Variants in GPI observed in about 807,000 individuals in gnomAD.
GPI encodes the protein D-hexose-6-phosphate anomerase.
In GPI, 56 loss-of-function variants were observed where a neutral mutation model predicts 75.8. The observed-to-expected ratio is 0.74, with a 90% confidence interval of 0.60 to 0.92. GPI has a LOEUF of 0.92. GPI is among the 40% of genes least tolerant of loss of function. The pLI is 0.00. For missense variants in GPI, 638 were observed against 741.0 expected (o/e 0.86, Z 1.61); for synonymous variants, 288 against 285.4 (o/e 1.01, Z -0.09).
At chr19:34,398,031 T>C (rs1296053983) in intron 14 of GPI, 1 of 148,880 alleles carries the variant, frequency 6.7e-6, no homozygotes, top group East Asian at 2.0e-4. Context: ...GGACCACAGA[T>C]GTACAACATG....
chr19:34,400,072 C>G lies in GPI; in HGVS notation c.*36C>G, dbSNP rs752588108. On this transcript the variant is annotated 3_prime_UTR_variant, in exon 18 of 18. Coordinates refer to ENST00000356487, the MANE Select transcript of GPI (RefSeq NM_000175.5). The stretch of plus-strand genomic sequence containing the variant: ...ATCTGCAGCCTCCTCTGTGACTCCC[C>G]TTTCTCTTCTCGTCCCTCCTCCCCG... 2 of 1,600,790 alleles carry G rather than the reference C, an allele frequency of 1.2e-6. No homozygotes were observed. Among genetic ancestry groups the G allele is most frequent in the Non-Finnish European group, 1.7e-6 (2 of 1,176,846 alleles).
intron 4 of GPI, among the ~76,000 whole-genome samples, chr19:34,370,844 G>T (rs1410801161): frequency 6.6e-6 from 1 of 152,170 alleles, no homozygotes; most frequent in Non-Finnish European, 1.5e-5. Context: ...CTTGAGCCCG[G>T]GAGGTTGAGT....
At chr19:34,396,480 T>C in intron 13 of GPI, 50 bp downstream of exon 13, 3 of 1,613,624 alleles carry the variant, frequency 1.9e-6, no homozygotes, top group Non-Finnish European at 2.5e-6. Flanking sequence ...GGAAAGGATC[T>C]TCCAGAAGAG....
At chr19:34,389,233 C>T (rs540400767) in intron 9 of GPI, among the ~76,000 whole-genome samples, 199 of 152,296 alleles carry the variant, frequency 1.3e-3, no homozygotes, top group Non-Finnish European at 2.6e-3. Context: ...GTGGCCCCAC[C>T]GGTCATCTCA....
rs2145438667 is a variant in GPI at position 34,399,995 on chromosome 19, A to G, written c.1636A>G (p.Ile546Val). The G allele has an allele frequency of 6.2e-7, 1 of 1,613,690 alleles. No individual in the cohort carries two copies. Among genetic ancestry groups the G allele is most frequent in the Non-Finnish European group, 8.5e-7 (1 of 1,179,992 alleles). ...TSHDASTNGL[I>V]NFIKQQREAR... ...TCACGACGCTTCTACCAATGGGCTCATCAACTTCATCAAGCAGCAGCGCGA... is the reference window on the plus strand; with the variant it reads ...TCACGACGCTTCTACCAATGGGCTCGTCAACTTCATCAAGCAGCAGCGCGA... The change falls in exon 18 of 18, where the codon ATC (isoleucine) becomes GTC (valine). Residue 546 changes from isoleucine (I) to valine (V), a missense_variant. Physicochemically the swap from Ile to Val is conservative, Grantham distance 29. Coordinates refer to ENST00000356487, the MANE Select transcript of GPI (RefSeq NM_000175.5).
chr19:34,377,336 A>AAAAAAAATATAT (rs2074558981), intron 4 of GPI, among the ~76,000 whole-genome samples, 167 bp from the exon 5 acceptor site: 1 of 49,326 alleles, frequency 2.0e-5, no homozygotes, highest in African/African-American at 1.2e-4. Flanking sequence ...AAAAAAAAAA[A>AAAAAAAATATAT]ATATATATAT....
chr19:34,366,122 C>T (rs1173619142), intron 1 of GPI: 11 of 695,994 alleles, frequency 1.6e-5, no homozygotes. Flanking sequence ...CAGGGTCTGC[C>T]TGCATCTACG....
chr19:34,377,869 C>T lies in GPI; in HGVS notation c.621C>T (p.Ile207=), dbSNP rs1303883855. 2 of 1,614,134 alleles carry T rather than the reference C, an allele frequency of 1.2e-6. No individual in the cohort carries two copies. The highest frequency in any genetic ancestry group is 2.2e-5 in the East Asian group (1 of 44,876). ...TGAACCCCGAGTCCTCCCTGTTCAT[C>T]ATTGCCTCCAAGGTATGAGTGCCGA... ...AQLNPESSLF[I]IASKTFTTQE... is the part of the protein sequence containing the mutation. Residue 207 remains isoleucine, a synonymous_variant, in exon 6 of 18, where the codon ATC becomes ATT. Transcript: ENST00000356487.
chr19:34,366,330 T>C lies in GPI; in HGVS notation c.123-15T>C. 1.9e-6 allele frequency: 3 copies of C among 1,548,780 alleles called. No homozygotes were observed. Among genetic ancestry groups the C allele is most frequent in the Non-Finnish European group, 2.7e-6 (3 of 1,120,280 alleles). ...AGACCAGGGTGTGGTCAGCAGCATCTCCATCTTTCTGCAGCTTGACCCTCA... is the reference window on the plus strand; with the variant it reads ...AGACCAGGGTGTGGTCAGCAGCATCCCCATCTTTCTGCAGCTTGACCCTCA... On this transcript the variant is annotated splice_polypyrimidine_tract_variant and intron_variant, in intron 1 of 17. Coordinates refer to ENST00000356487, the MANE Select transcript of GPI (RefSeq NM_000175.5).
chr19:34,368,544 TG>T (rs111897081), intron 3 of GPI, 38 bp from the exon 4 acceptor site: 88 of 1,606,312 alleles, frequency 5.5e-5, no homozygotes, highest in Admixed American at 3.2e-4. Context: ...TGCCTGGGGT[TG>T]GGGGGGGCAG....
At chr19:34,360,502 G>T (rs1365864262), upstream of GPI, among the ~76,000 whole-genome samples, 1 of 152,138 alleles carries the variant, frequency 6.6e-6, no homozygotes, top group South Asian at 2.1e-4. Flanking sequence ...AGGAGACCGA[G>T]GTGAGAGAAT....
At chr19:34,391,277 G>T in intron 9 of GPI, among the ~76,000 whole-genome samples, 1 of 147,162 alleles carries the variant, frequency 6.8e-6, no homozygotes, top group East Asian at 2.0e-4. Flanking sequence ...ATCTGGGTCT[G>T]TCCATGTCTA....
intron 4 of GPI, among the ~76,000 whole-genome samples, chr19:34,375,050 A>G (rs901648509): frequency 3.3e-5 from 5 of 151,702 alleles, no homozygotes; most frequent in African/African-American, 1.2e-4. Flanking sequence ...GGTTTTTATT[A>G]TGACCACACT....
At chr19:34,365,661 C>G (rs1266177677) in intron 1 of GPI, 2 of 621,392 alleles carry the variant, frequency 3.2e-6, no homozygotes, top group Non-Finnish European at 6.0e-6. Flanking sequence ...TCCCCTCCTC[C>G]TCCCCGTGCA....
chr19:34,365,574 G>C, intron 1 of GPI, 186 bp downstream of exon 1: 2 of 1,009,334 alleles, frequency 2.0e-6, no homozygotes, highest in Non-Finnish European at 3.0e-6. Context: ...GTTCCTGGGG[G>C]CTTGCAGCCT....
chr19:34,376,620 G>GTCT (rs2074540827), intron 4 of GPI, among the ~76,000 whole-genome samples: 1 of 151,806 alleles, frequency 6.6e-6, no homozygotes, highest in African/African-American at 2.4e-5. Flanking sequence ...TGGAGTCAGG[G>GTCT]TCTTCCTCTG....
intron 4 of GPI, among the ~76,000 whole-genome samples, chr19:34,377,211 A>G (rs1298162464): frequency 4.8e-5 from 7 of 144,988 alleles, no homozygotes; most frequent in Non-Finnish European, 1.5e-5. Context: ...CTGAGGCAGG[A>G]GAATGACGTG....
Position 34,401,707 on chromosome 19 carries a change from T to G in GPI, c.*1671T>G, listed in dbSNP as rs1169008649. 6.6e-6 allele frequency: 1 copy of G among 152,160 alleles called. No individual in the cohort carries two copies. The highest frequency in any genetic ancestry group is 1.5e-5 in the Non-Finnish European group (1 of 68,046). 9.4% of individuals were successfully genotyped at this position (152,160 alleles called of 1,614,324 possible). A position where few individuals can be genotyped will look rare whatever the true frequency, so the allele number is the denominator to read the frequency against. On this transcript the variant is annotated 3_prime_UTR_variant, in exon 18 of 18. Coordinates refer to ENST00000356487, the MANE Select transcript of GPI (RefSeq NM_000175.5). Reference sequence around the variant, plus strand: ...AGGCTGGACTGCAGTGATACAATCATAGCTGACTGAAGCCTCAAATTCCCA... The same window carrying G: ...AGGCTGGACTGCAGTGATACAATCAGAGCTGACTGAAGCCTCAAATTCCCA...
Position 34,379,985 on chromosome 19 carries a change from G to GTTTT in GPI, c.750+424_750+427dup, listed in dbSNP as rs1356302354. 128 of 127,906 alleles carry GTTTT rather than the reference G, an allele frequency of 1.0e-3. 29 individuals carry two copies. Among genetic ancestry groups the GTTTT allele is most frequent in the East Asian group, 3.2e-3 (11 of 3,450 alleles). 7.9% of individuals were successfully genotyped at this position (127,906 alleles called of 1,614,324 possible). A position where few individuals can be genotyped will look rare whatever the true frequency, so the allele number is the denominator to read the frequency against. On this transcript the variant is annotated intron_variant, in intron 8 of 17. Coordinates refer to ENST00000356487, the MANE Select transcript of GPI (RefSeq NM_000175.5). ...TTTTGCCCCCTACTTAGTGTGTGTG[G>GTTTT]TTTTGTTTTTTTTTTTTTTTTTTTT... is the stretch of plus-strand genomic sequence containing the variant.
Sources: allele counts gnomAD v4.1 joint callset (sites outside exome capture counted in the v4.1 genomes callset), GRCh38; gene constraint gnomAD v4.1.1; transcripts MANE v1.5; gene names NCBI Gene and HGNC (gene_info 2026-07-23, HGNC 2026-07-21).